PCDH11Y: variants seen among roughly 807,000 people sequenced by gnomAD.
PCDH11Y encodes protocadherin-11 Y-linked.
For missense variants in PCDH11Y, 12 were observed against 224.8 expected, an observed-to-expected ratio of 0.05 and a Z score of 6.05; for synonymous variants, 9 against 83.6, an observed-to-expected ratio of 0.11 and a Z score of 4.87.
intron 2 of PCDH11Y, among the ~76,000 whole-genome samples, chrY:5,284,057 T>A: frequency 6.1e-5 from 2 of 32,566 alleles, no homozygotes; most frequent in Non-Finnish European, 1.5e-4. Context: ...CATTTTCAAT[T>A]GTAACAGTTG....
At chrY:5,454,837 C>G in intron 2 of PCDH11Y, among the ~76,000 whole-genome samples, 2 of 33,603 alleles carry the variant, frequency 6.0e-5, no homozygotes, top group Non-Finnish European at 1.5e-4. Flanking sequence ...CCATAGGCCT[C>G]AGGGCCTGTG....
chrY:5,022,877 A>T, intron 1 of PCDH11Y, among the ~76,000 whole-genome samples: 1 of 33,200 alleles, frequency 3.0e-5, no homozygotes, highest in Admixed American at 2.8e-4. Flanking sequence ...TTTGAAAAAC[A>T]TTTGCATGGA....
intron 2 of PCDH11Y, among the ~76,000 whole-genome samples, chrY:5,192,881 A>G (rs2052914101): frequency 3.0e-5 from 1 of 33,494 alleles, no homozygotes; most frequent in Non-Finnish European, 7.4e-5. Flanking sequence ...TGAAAGGTTA[A>G]GTTTTCTTTA....
chrY:5,044,804 G>C (rs2124625171), intron 3 of PCDH11Y, among the ~76,000 whole-genome samples: 1 of 32,919 alleles, frequency 3.0e-5, no homozygotes, highest in East Asian at 7.9e-4. Context: ...CCTGTATTGG[G>C]TGCATATATA....
At chrY:5,614,448 T>A in intron 4 of PCDH11Y, among the ~76,000 whole-genome samples, 2 of 31,987 alleles carry the variant, frequency 6.3e-5, no homozygotes, top group Non-Finnish European at 1.5e-4. Flanking sequence ...CCATACTGAT[T>A]TCTCCAGTTG....
At chrY:5,430,867 A>G (rs1485610957) in intron 2 of PCDH11Y, among the ~76,000 whole-genome samples, 1 of 33,194 alleles carries the variant, frequency 3.0e-5, no homozygotes, top group Non-Finnish European at 7.4e-5. Flanking sequence ...CTGGTATCAG[A>G]AAGACTTTTG....
At chrY:5,124,058 G>A (rs2052822179) in intron 2 of PCDH11Y, among the ~76,000 whole-genome samples, 1 of 32,696 alleles carries the variant, frequency 3.1e-5, no homozygotes, top group Non-Finnish European at 7.5e-5. Flanking sequence ...GGTCCCTAAT[G>A]CAGGATTTGG....
chrY:5,439,339 G>C, intron 2 of PCDH11Y, among the ~76,000 whole-genome samples: 1 of 32,503 alleles, frequency 3.1e-5, no homozygotes, highest in Non-Finnish European at 7.5e-5. Context: ...TCCTAAACTT[G>C]GCAACATTCT....
downstream of PCDH11Y, among the ~76,000 whole-genome samples, chrY:5,107,587 C>T (rs2124638014): frequency 6.3e-4 from 21 of 33,159 alleles, no homozygotes; most frequent in East Asian, 0.017. Flanking sequence ...TTGACCTGGT[C>T]GCACCTTTAA....
intron 2 of PCDH11Y, among the ~76,000 whole-genome samples, chrY:5,368,027 G>A: frequency 3.1e-5 from 1 of 32,255 alleles, no homozygotes; most frequent in Non-Finnish European, 7.6e-5. Context: ...GTAGCTAGAT[G>A]TGGTGGCACA....
chrY:5,325,238 C>T, intron 2 of PCDH11Y, among the ~76,000 whole-genome samples: 1 of 32,717 alleles, frequency 3.1e-5, no homozygotes, highest in Admixed American at 2.8e-4. Context: ...GCCTGACATT[C>T]CTGCCTTCTT....
intron 4 of PCDH11Y, among the ~76,000 whole-genome samples, chrY:5,656,557 G>T (rs2053536488): frequency 3.3e-5 from 1 of 29,931 alleles, no homozygotes; most frequent in Non-Finnish European, 8.0e-5. Context: ...TACAATGAAA[G>T]CTATAAAATC....
chrY:5,366,586 C>G, intron 2 of PCDH11Y, among the ~76,000 whole-genome samples: 1 of 33,043 alleles, frequency 3.0e-5, no homozygotes, highest in Non-Finnish European at 7.4e-5. Flanking sequence ...CAATTATAAG[C>G]TTAATGTACA....
intron 3 of PCDH11Y, among the ~76,000 whole-genome samples, chrY:5,546,116 A>C: frequency 3.0e-5 from 1 of 32,826 alleles, no homozygotes; most frequent in African/African-American, 1.2e-4. Context: ...TCCAAAGCAT[A>C]CTGTAAATCC....
intron 4 of PCDH11Y, among the ~76,000 whole-genome samples, chrY:5,732,835 T>C: frequency 3.0e-5 from 1 of 33,631 alleles, no homozygotes; most frequent in African/African-American, 1.2e-4. Flanking sequence ...CTCAAAAACA[T>C]TGCTTATTTC....
exon 3 of PCDH11Y, chrY:5,032,712 A>C: frequency 5.1e-6 from 2 of 392,466 alleles, no homozygotes; most frequent in Non-Finnish European, 7.1e-6. Context: ...AGTGGGTTTT[A>C]ATTCAGATAT....
chrY:5,012,832 C>T, intron 1 of PCDH11Y, among the ~76,000 whole-genome samples: 5 of 28,954 alleles, frequency 1.7e-4, no homozygotes, highest in Non-Finnish European at 8.2e-5. Flanking sequence ...AATATCAGTT[C>T]TATGAACACG....
intron 2 of PCDH11Y, among the ~76,000 whole-genome samples, chrY:5,206,298 G>T (rs2124650428): frequency 9.9e-5 from 3 of 30,284 alleles, no homozygotes; most frequent in African/African-American, 3.9e-4. Flanking sequence ...CACCTTATGT[G>T]GATGGCAGCA....
chrY:5,321,702 G>T, intron 2 of PCDH11Y, among the ~76,000 whole-genome samples: 1 of 32,896 alleles, frequency 3.0e-5, no homozygotes, highest in Admixed American at 2.8e-4. Flanking sequence ...ACGCATGGTG[G>T]CTCACATCTG....
Sources: allele counts gnomAD v4.1 joint callset (sites outside exome capture counted in the v4.1 genomes callset), GRCh38; gene constraint gnomAD v4.1.1; transcripts MANE v1.5; gene names NCBI Gene and HGNC (gene_info 2026-07-23, HGNC 2026-07-21).